The following KIF18A variants were observed in gnomAD, a reference collection of about 807,000 sequenced individuals.
KIF18A encodes kinesin family member 18A.
Under a neutral mutation model 103.3 loss-of-function variants are expected in KIF18A, and 67 were observed. The observed-to-expected ratio is 0.65, with a 90% CI of 0.53 to 0.79. The LOEUF is 0.79. Among genes scored for constraint, KIF18A ranks in the 30% least tolerant of loss-of-function variants. The probability of loss-of-function intolerance (pLI) is 0.00; values close to 1 mark genes in which losing one functional copy is unlikely to be tolerated. For synonymous variants in KIF18A, 367 were observed against 355.5 expected (o/e 1.03, Z -0.36); for missense variants, 1,032 against 1,062.5 (o/e 0.97, Z 0.40).
Position 28,035,460 on chromosome 11 carries a change from T to A in KIF18A, c.2431A>T (p.Met811Leu). 1 of 1,601,176 alleles carries A rather than the reference T, an allele frequency of 6.2e-7. No homozygotes were observed. Among genetic ancestry groups the A allele is most frequent in the Non-Finnish European group, 8.5e-7 (1 of 1,172,834 alleles). ...GATGGCACCATGCTTGGTACAGGCA[T>A]AGAATGCTTAGTTGAGAATGAAGAA... ...DPSSFSTKHSMPVPSMVPSYM... is the reference protein window; with the variant it reads ...DPSSFSTKHSLPVPSMVPSYM... The change falls in exon 15 of 17, where the codon ATG (methionine) becomes TTG (leucine). Residue 811 changes from methionine to leucine, a missense_variant. Met to Leu is a conservative substitution (Grantham distance 15). Transcript: ENST00000263181.
chr11:28,096,996 G>T (rs1851384356), intron 2 of KIF18A, among the ~76,000 whole-genome samples: 2 of 151,926 alleles, frequency 1.3e-5, no homozygotes, highest in Non-Finnish European at 2.9e-5. Context: ...ATTAACATGG[G>T]ATCTTAACAC....
chr11:28,096,940 C>T (rs1347461463), intron 2 of KIF18A, among the ~76,000 whole-genome samples: 1 of 150,728 alleles, frequency 6.6e-6, no homozygotes. Flanking sequence ...AAAAAAAGCA[C>T]TAAAGATGCT....
At chr11:28,044,241 T>C (rs1306503331) in intron 13 of KIF18A, among the ~76,000 whole-genome samples, 2 of 152,044 alleles carry the variant, frequency 1.3e-5, no homozygotes, top group African/African-American at 4.8e-5. Context: ...AATTTCTTAA[T>C]AATAAATATA....
intron 9 of KIF18A, among the ~76,000 whole-genome samples, chr11:28,078,365 CT>C (rs983618981): frequency 2.6e-5 from 4 of 152,030 alleles, no homozygotes; most frequent in African/African-American, 9.7e-5. Context: ...GATAAGTTAT[CT>C]TTAGGTTATA....
rs751954025 is a variant in KIF18A at position 28,094,802 on chromosome 11, T to A, written c.326-2A>T. ...CACCAGTGGCACCATAGGCAAGTAC[T>A]GAGTTTTTAAGAAAGGGATCAAAAC... On this transcript the variant is annotated splice_acceptor_variant, in intron 2 of 16. Coordinates refer to ENST00000263181, the MANE Select transcript of KIF18A (RefSeq NM_031217.4). LOFTEE classifies it high-confidence loss of function. The A allele has an allele frequency of 6.2e-7, 1 of 1,613,690 alleles. No individual in the cohort carries two copies. Among genetic ancestry groups the A allele is most frequent in the Admixed American group, 1.7e-5 (1 of 59,964 alleles).
Position 28,036,699 on chromosome 11 carries a change from G to A in KIF18A, c.1949-35C>T, listed in dbSNP as rs761103357. 7 of 1,335,058 alleles carry A rather than the reference G, an allele frequency of 5.2e-6. No homozygotes were observed. The South Asian group carries it at 9.5e-5, about 18-fold the overall frequency. 82.7% of individuals were successfully genotyped at this position (1,335,058 alleles called of 1,614,324 possible). On this transcript the variant is annotated intron_variant, in intron 13 of 16. Coordinates refer to ENST00000263181, the MANE Select transcript of KIF18A (RefSeq NM_031217.4). ...AAAATAAAAAAAGACACTCGATAAT[G>A]TTTCCTAGTTTTTTAAATAACCCCC...
rs10501096 is a variant in KIF18A at position 28,084,482 on chromosome 11, T to C, written c.1074+150A>G. The C allele has an allele frequency of 0.022, 8,829 of 402,202 alleles. 1,169 individuals are homozygous for C. The East Asian group carries it at 0.3, about 14-fold the overall frequency. The allele number at this position is 402,202 out of a possible 1,614,324, so 24.9% of individuals were successfully genotyped here. A position where few individuals can be genotyped will look rare whatever the true frequency, so the allele number is the denominator to read the frequency against. On this transcript the variant is annotated intron_variant, in intron 7 of 16. Transcript: ENST00000263181. ...TATGGTTTAACCGTCTAAATTAATG[T>C]TCGACTAAGCAGGTTAGCAAAGACC...
At position 28,050,201 on chromosome 11, in the gene KIF18A, AAAG is replaced by A. The variant is rs564731198; in HGVS notation, c.1948+8722_1948+8724del. 2.3e-3 allele frequency among the ~76,000 whole-genome samples: 343 copies of A among 151,954 alleles called. 3 individuals are homozygous for A. The highest frequency in any genetic ancestry group is 6.9e-3 in the Middle Eastern group (2 of 288). On this transcript the variant is annotated intron_variant, in intron 13 of 16. Transcript: ENST00000263181. ...AGTATTTACACTTACCAAAGATGGA[AAAG>A]AAGGGACAATACAAAGAACCTTTTA...
In KIF18A at chr11:28,029,494, A is replaced by G. The variant is rs536123066; in HGVS notation, c.2505-5644T>C. Among the ~76,000 whole-genome samples the G allele has an allele frequency of 1.3e-3, 199 of 152,308 alleles. 1 individual carries two copies. Among genetic ancestry groups the G allele is most frequent in the African/African-American group, 4.2e-3 (174 of 41,562 alleles). Reference sequence around the variant, plus strand: ...AAATTCAACAGCCCTTCATGCTAAAAACTCTCAATAAATTAGGTATTGATG... The same window carrying G: ...AAATTCAACAGCCCTTCATGCTAAAGACTCTCAATAAATTAGGTATTGATG... On this transcript the variant is annotated intron_variant, in intron 15 of 16. Coordinates refer to ENST00000263181, the MANE Select transcript of KIF18A (RefSeq NM_031217.4).
At chr11:28,054,160 A>G (rs1850748940) in intron 13 of KIF18A, among the ~76,000 whole-genome samples, 1 of 152,168 alleles carries the variant, frequency 6.6e-6, no homozygotes, top group African/African-American at 2.4e-5. Flanking sequence ...TTTATTAAAC[A>G]ACCCAAATGC....
At chr11:28,086,773 A>G (rs1224300869) in intron 6 of KIF18A, among the ~76,000 whole-genome samples, 9 of 152,190 alleles carry the variant, frequency 5.9e-5, no homozygotes, top group Admixed American at 5.9e-4. Context: ...CATATATTAA[A>G]CATTGACTCA....
intron 1 of KIF18A, among the ~76,000 whole-genome samples, chr11:28,103,397 A>C (rs1232481172): frequency 6.6e-6 from 1 of 151,996 alleles, no homozygotes; most frequent in African/African-American, 2.4e-5. Flanking sequence ...AAACCTGAAG[A>C]AGAATATTTG....
At chr11:28,098,523 G>A (rs1851404317) in intron 1 of KIF18A, among the ~76,000 whole-genome samples, 1 of 152,114 alleles carries the variant, frequency 6.6e-6, no homozygotes, top group Non-Finnish European at 1.5e-5. Context: ...CACCCAGGCT[G>A]GTCTCTACCT....
intron 6 of KIF18A, among the ~76,000 whole-genome samples, chr11:28,085,203 G>A (rs1309788583): frequency 6.6e-6 from 1 of 152,082 alleles, no homozygotes; most frequent in African/African-American, 2.4e-5. Flanking sequence ...AGGGCTCCTT[G>A]GTCAAGTGGT....
chr11:28,075,810 G>T (rs1321884899), intron 10 of KIF18A, among the ~76,000 whole-genome samples: 1 of 152,110 alleles, frequency 6.6e-6, no homozygotes, highest in African/African-American at 2.4e-5. Context: ...TTTTCTAGTG[G>T]TATCATTGGT....
Position 28,036,366 on chromosome 11 carries a change from A to C in KIF18A, c.2247T>G (p.Cys749Trp). The C allele has an allele frequency of 6.2e-7, 1 of 1,611,328 alleles. No homozygotes were observed. The highest frequency in any genetic ancestry group is 8.5e-7 in the Non-Finnish European group (1 of 1,178,250). The change falls in exon 14 of 17, where the codon TGT becomes TGG. Residue 749 changes from cysteine to tryptophan, a missense_variant. By Grantham distance (215) the Cys-to-Trp change is radical. Coordinates refer to ENST00000263181, the MANE Select transcript of KIF18A (RefSeq NM_031217.4). ...INSDNCLKML[C>W]EVAIPHNRRK... ...TTCTATTATGAGGGATAGCTACTTC[A>C]CACAACATTTTCAGACAATTATCAC... is the stretch of plus-strand genomic sequence containing the variant.
chr11:28,104,117 G>C (rs1453817206), intron 1 of KIF18A, among the ~76,000 whole-genome samples: 1 of 152,124 alleles, frequency 6.6e-6, no homozygotes, highest in Non-Finnish European at 1.5e-5. Context: ...GCTCATCCCA[G>C]ATTAAAGATT....
At chr11:28,066,072 C>A (rs576059037) in intron 11 of KIF18A, among the ~76,000 whole-genome samples, 24 of 151,778 alleles carry the variant, frequency 1.6e-4, no homozygotes, top group Non-Finnish European at 3.4e-4. Flanking sequence ...CATAAGTAAA[C>A]AAACAAATTA....
chr11:28,090,449 A>G (rs928930219), intron 5 of KIF18A, among the ~76,000 whole-genome samples, 168 bp downstream of exon 5: 1 of 152,216 alleles, frequency 6.6e-6, no homozygotes, highest in African/African-American at 2.4e-5. Flanking sequence ...AAGCATCTCA[A>G]TTATAAATAC....
Sources: allele counts gnomAD v4.1 joint callset (sites outside exome capture counted in the v4.1 genomes callset), GRCh38; gene constraint gnomAD v4.1.1; transcripts MANE v1.5; gene names NCBI Gene and HGNC (gene_info 2026-07-23, HGNC 2026-07-21).